The following CD300LG variants were observed in gnomAD, a reference collection of about 807,000 sequenced individuals.
CD300LG encodes the protein CMRF35-like molecule 9.
A neutral mutation model predicts 31.5 loss-of-function variants in CD300LG; 29 were observed. The observed-to-expected ratio is 0.92, with a 90% CI of 0.68 to 1.25. CD300LG has a LOEUF of 1.25. CD300LG is among the 50% of genes most tolerant of loss of function. The pLI is 0.00. For missense variants in CD300LG, 396 were observed against 417.6 expected, an observed-to-expected ratio of 0.95 and a Z score of 0.45; for synonymous variants, 175 against 177.2, an observed-to-expected ratio of 0.99 and a Z score of 0.10.
At chr17:43,861,664 C>A in intron 6 of CD300LG, 134 bp from the exon 7 acceptor site, 1 of 569,964 alleles carries the variant, frequency 1.8e-6, no homozygotes, top group Non-Finnish European at 3.0e-6. Context: ...GGTCCTGTGC[C>A]TCTGCAGATG....
In CD300LG at chr17:43,852,915, C is replaced by T. The variant is rs142168889; in HGVS notation, c.383C>T (p.Pro128Leu). 6.2e-7 allele frequency: 1 copy of T among 1,610,498 alleles called. No homozygotes were observed. Among genetic ancestry groups the T allele is most frequent in the Non-Finnish European group, 8.5e-7 (1 of 1,178,030 alleles). The change falls in exon 3 of 7, where the codon CCC becomes CTC. Residue 128 changes from proline to leucine, a missense_variant. Physicochemically the swap from Pro to Leu is moderately conservative, Grantham distance 98. Transcript: ENST00000317310. Reference protein sequence around the residue: ...LLISLFVFPGPCCPPSPSPTF... With the variant: ...LLISLFVFPGLCCPPSPSPTF... The stretch of plus-strand genomic sequence containing the variant: ...GCAGCCTTTCCCTTTCCTCTAGGAC[C>T]CTGCTGTCCTCCCTCCCCTTCTCCC...
At chr17:43,849,343 G>T (rs1047767291) in intron 2 of CD300LG, 1 of 213,896 alleles carries the variant, frequency 4.7e-6, no homozygotes, top group Non-Finnish European at 9.3e-6. Flanking sequence ...TGCTGGCCTC[G>T]CCCTGCTTGT....
rs2046684781 is a variant in CD300LG, at chr17:43,863,536, C to T, written c.*1625C>T. On this transcript the variant is annotated 3_prime_UTR_variant, in exon 7 of 7. Coordinates refer to ENST00000317310, the MANE Select transcript of CD300LG (RefSeq NM_145273.4). ...TATCTTGTATATACAACTTTGTATCCTGCCTTTTCCACCTTATCGTTCCAT... is the reference window on the plus strand; with the variant it reads ...TATCTTGTATATACAACTTTGTATCTTGCCTTTTCCACCTTATCGTTCCAT... 1 of 152,124 alleles carries T rather than the reference C, an allele frequency of 6.6e-6. No individual in the cohort carries two copies. Among genetic ancestry groups the T allele is most frequent in the South Asian group, 2.1e-4 (1 of 4,828 alleles). The allele number at this position is 152,124 out of a possible 1,614,324, so 9.4% of individuals were successfully genotyped here. A position where few individuals can be genotyped will look rare whatever the true frequency, so the allele number is the denominator to read the frequency against.
intron 6 of CD300LG, chr17:43,858,133 C>T (rs186024985): frequency 8.4e-6 from 11 of 1,306,518 alleles, no homozygotes; most frequent in East Asian, 3.4e-5. Flanking sequence ...TCTTTCCTGG[C>T]GCCAGTGAGG....
chr17:43,860,027 C>T (rs911403658), intron 6 of CD300LG, among the ~76,000 whole-genome samples: 1 of 152,218 alleles, frequency 6.6e-6, no homozygotes, highest in Non-Finnish European at 1.5e-5. Context: ...AGAGCCACCA[C>T]ACCCAGGCTT....
intron 3 of CD300LG, among the ~76,000 whole-genome samples, chr17:43,853,405 C>G (rs1320309320): frequency 6.6e-6 from 1 of 151,804 alleles, no homozygotes; most frequent in African/African-American, 2.4e-5. Flanking sequence ...GGGGAGGGGG[C>G]ACATGGTGGT....
rs8066495 is a variant in CD300LG at position 43,857,077 on chromosome 17, G to T, written c.833-27G>T. The T allele has an allele frequency of 6.5e-4, 1,044 of 1,613,594 alleles. 9 individuals carry two copies. The African/African-American group carries it at 0.013, about 19-fold the overall frequency. On this transcript the variant is annotated intron_variant, in intron 5 of 6. Transcript: ENST00000317310. ...ACTCCCGGCTACTCCTGGCTTCAAG[G>T]GGCTCCTCCTTCTACATCTCTTTCA...
rs2046666496 is a variant in CD300LG at position 43,862,111 on chromosome 17, G to T, written c.*200G>T. ...GTCAGCCCTGGAGCCCAGAGCGGTG[G>T]CCTTGCTCTTCCGGCTGGAGACTGG... On this transcript the variant is annotated 3_prime_UTR_variant, in exon 7 of 7. Coordinates refer to ENST00000317310, the MANE Select transcript of CD300LG (RefSeq NM_145273.4). 5 of 449,432 alleles carry T rather than the reference G, an allele frequency of 1.1e-5. No individual in the cohort carries two copies. The highest frequency in any genetic ancestry group is 1.6e-5 in the Non-Finnish European group (4 of 253,370). 27.8% of individuals were successfully genotyped at this position (449,432 alleles called of 1,614,324 possible). A position where few individuals can be genotyped will look rare whatever the true frequency, so the allele number is the denominator to read the frequency against.
intron 6 of CD300LG, among the ~76,000 whole-genome samples, chr17:43,859,084 C>A (rs1010700077): frequency 2.0e-5 from 3 of 152,188 alleles, no homozygotes; most frequent in Non-Finnish European, 1.5e-5. Context: ...AGAGGCAGAA[C>A]TGGGGAGGCT....
At chr17:43,849,265 T>C in intron 2 of CD300LG, 1 of 381,184 alleles carries the variant, frequency 2.6e-6, no homozygotes, top group Non-Finnish European at 4.7e-6. Flanking sequence ...GAGATATTCC[T>C]GAGGCCTCCC....
intron 2 of CD300LG, chr17:43,849,111 G>A (rs529150787): frequency 1.5e-5 from 9 of 600,638 alleles, no homozygotes; most frequent in Admixed American, 1.2e-4. Context: ...AGTAGTAGAT[G>A]TCAGAGCAGG....
intron 6 of CD300LG, among the ~76,000 whole-genome samples, chr17:43,859,439 G>A (rs2143410033): frequency 6.6e-6 from 1 of 152,326 alleles, no homozygotes; most frequent in Non-Finnish European, 1.5e-5. Flanking sequence ...TGGAGGCAGA[G>A]GGGCAGGGGA....
chr17:43,858,212 A>G, intron 6 of CD300LG: 2 of 1,111,240 alleles, frequency 1.8e-6, no homozygotes, highest in Non-Finnish European at 1.1e-6. Context: ...GCTGTGGCTT[A>G]GGAAGCAGCT....
At chr17:43,857,758 A>T in intron 6 of CD300LG, 1 of 1,536,508 alleles carries the variant, frequency 6.5e-7, no homozygotes, top group Non-Finnish European at 8.7e-7. Flanking sequence ...AACAGGACCC[A>T]GATTTCTTGA....
rs1335724127 is a variant in CD300LG, at chr17:43,857,120, G to A, written c.849G>A (p.Glu283=). ...LWRKEAQQAT[E]TQRNEKFCLS... is the part of the protein sequence containing the mutation. ...CTCTTTCAGCTCAACAGGCCACGGA[G>A]ACACAGAGGAACGAGAAGTTCTGCC... Residue 283 remains glutamate, a synonymous_variant, in exon 6 of 7, where the codon GAG becomes GAA. Transcript: ENST00000317310. The A allele has an allele frequency of 1.9e-6, 3 of 1,614,056 alleles. No homozygotes were observed. Among genetic ancestry groups the A allele is most frequent in the Non-Finnish European group, 2.5e-6 (3 of 1,180,046 alleles).
At position 43,848,723 on chromosome 17, in the gene CD300LG, A is replaced by G; in HGVS notation, c.209A>G (p.Glu70Gly). Reference protein sequence around the residue: ...RCSGTIYAEEEGQETMKGRVS... With the variant: ...RCSGTIYAEEGGQETMKGRVS... ...TCTGGCACCATCTATGCAGAAGAAG[A>G]AGGCCAGGAGACAATGAAGGGCAGG... Residue 70 changes from glutamate to glycine, a missense_variant, in exon 2 of 7, where the codon GAA becomes GGA. Physicochemically the swap from Glu to Gly is moderately conservative, Grantham distance 98. Coordinates refer to ENST00000317310, the MANE Select transcript of CD300LG (RefSeq NM_145273.4). 6.2e-7 allele frequency: 1 copy of G among 1,614,128 alleles called. No homozygotes were observed. Among genetic ancestry groups the G allele is most frequent in the Non-Finnish European group, 8.5e-7 (1 of 1,180,022 alleles).
At chr17:43,851,133 C>CAAA (rs777282117) in intron 2 of CD300LG, among the ~76,000 whole-genome samples, 258 of 37,664 alleles carry the variant, frequency 6.9e-3, no homozygotes, top group Middle Eastern at 0.013. Context: ...GACTCAGTCT[C>CAAA]AAAAAAAAAA....
Position 43,861,948 on chromosome 17 carries a change from A to T in CD300LG, c.*37A>T. 1.4e-6 allele frequency: 2 copies of T among 1,461,778 alleles called. No individual in the cohort carries two copies. The highest frequency in any genetic ancestry group is 1.2e-5 in the South Asian group (1 of 80,218). The allele number at this position is 1,461,778 out of a possible 1,614,324, so 90.6% of individuals were successfully genotyped here. A position where few individuals can be genotyped will look rare whatever the true frequency, so the allele number is the denominator to read the frequency against. On this transcript the variant is annotated 3_prime_UTR_variant, in exon 7 of 7. Coordinates refer to ENST00000317310, the MANE Select transcript of CD300LG (RefSeq NM_145273.4). ...CTCCTGGCCAGGCCAGCAGTGAAGC[A>T]GTATGGCTGGCTGGATCAGCACCGA...
At chr17:43,858,471 G>A (rs532293896) in intron 6 of CD300LG, 2 of 985,440 alleles carry the variant, frequency 2.0e-6, no homozygotes, top group East Asian at 2.3e-4. Context: ...ACCCTGAGAA[G>A]GGCTGCTTTG....
Sources: allele counts gnomAD v4.1 joint callset (sites outside exome capture counted in the v4.1 genomes callset), GRCh38; gene constraint gnomAD v4.1.1; transcripts MANE v1.5; gene names NCBI Gene and HGNC (gene_info 2026-07-23, HGNC 2026-07-21).